Variants in SCYGR2 observed in about 807,000 individuals in gnomAD.
The protein encoded by SCYGR2 is small cysteine and glycine repeat-containing protein 2.
At chr2:227,598,974 G>A (rs1056379784) in exon 1 of SCYGR2, 5 of 272,022 alleles carry the variant, frequency 1.8e-5, no homozygotes. Context: ...TGGTGGCTGT[G>A]GTGGTGGCTG....
At chr2:227,598,970 C>A in exon 1 of SCYGR2, 1 of 294,902 alleles carries the variant, frequency 3.4e-6, no homozygotes. Flanking sequence ...GTGGTGGTGG[C>A]TGTGGTGGTG....
chr2:227,599,007 TGTG>T (rs1352042457), exon 1 of SCYGR2: 3 of 415,690 alleles, frequency 7.2e-6, no homozygotes, highest in African/African-American at 4.2e-5. Flanking sequence ...TGGTGGTGGC[TGTG>T]GTGGTGGCTG....
exon 1 of SCYGR2, chr2:227,598,932 GGCCGCT>G: frequency 2.6e-6 from 1 of 379,770 alleles, no homozygotes; most frequent in South Asian, 9.7e-5. Flanking sequence ...TGGCTGCGGT[GGCCGCT>G]GTGGTGGCTG....
chr2:227,599,026 G>GTGGCTGCGGTGA, exon 1 of SCYGR2: 1 of 371,414 alleles, frequency 2.7e-6, no homozygotes, highest in African/African-American at 2.1e-5. Flanking sequence ...GGCTGCGGTG[G>GTGGCTGCGGTGA]TGGCTGCGGT....
exon 1 of SCYGR2, chr2:227,598,966 G>GTGGCTGTGGTGGTGGCTGCGGTGC: frequency 4.0e-6 from 1 of 251,414 alleles, no homozygotes; most frequent in Non-Finnish European, 6.9e-6. Flanking sequence ...GGCTGTGGTG[G>GTGGCTGTGGTGGTGGCTGCGGTGC]TGGCTGTGGT....
exon 1 of SCYGR2, chr2:227,598,985 C>CTGTGGTGGTGGCTGTGGTGGTGGCTGT (rs1693637238): frequency 2.8e-6 from 1 of 363,168 alleles, no homozygotes. Flanking sequence ...GTGGTGGCTG[C>CTGTGGTGGTGGCTGTGGTGGTGGCTGT]GGTGGTGGCT....
chr2:227,599,010 G>GGTGGCCGCT (rs1693638721), exon 1 of SCYGR2: 2 of 409,670 alleles, frequency 4.9e-6, no homozygotes, highest in Non-Finnish European at 8.4e-6. Context: ...TGGTGGCTGT[G>GGTGGCCGCT]GTGGTGGCTG....
At position 227,599,180 on chromosome 2, in the gene SCYGR2, C is replaced by T. The variant is rs1387609853; in HGVS notation, c.288C>T (p.Cys96=). The T allele has an allele frequency of 1.0e-5, 4 of 399,106 alleles. No homozygotes were observed. In the East Asian group the frequency reaches 1.4e-4, roughly 14 times the overall value. The allele number at this position is 399,106 out of a possible 1,614,324, so 24.7% of individuals were successfully genotyped here. ...TGATCTGTTGCTGCCGCCGCACCTG[C>T]CACTCATGTGGCTGTGGCTGTGGGA... Residue 96 remains cysteine (C), a synonymous_variant, in exon 1 of 1, where the codon TGC becomes TGT. Coordinates refer to ENST00000641394, the Ensembl canonical transcript of SCYGR2.
exon 1 of SCYGR2, chr2:227,599,095 G>A: frequency 7.4e-6 from 3 of 402,964 alleles, no homozygotes; most frequent in Non-Finnish European, 1.3e-5. Context: ...CGGGTGGGCT[G>A]CTGCTCCAGC....
At chr2:227,598,939 G>A (rs1157296570) in exon 1 of SCYGR2, 8 of 258,692 alleles carry the variant, frequency 3.1e-5, no homozygotes, top group Non-Finnish European at 4.8e-5. Flanking sequence ...GGTGGCCGCT[G>A]TGGTGGCTGC....
exon 1 of SCYGR2, chr2:227,599,182 A>G (rs78790947): frequency 0.091 from 36,363 of 398,580 alleles, 2,032 homozygotes; most frequent in Admixed American, 0.11. Flanking sequence ...CGCACCTGCC[A>G]CTCATGTGGC....
chr2:227,598,946 CTG>C lies in SCYGR2; in HGVS notation c.55_56del (p.Cys19ArgfsTer35). 3 of 288,448 alleles carry C rather than the reference CTG, an allele frequency of 1.0e-5. No homozygotes were observed. Among genetic ancestry groups the C allele is most frequent in the Non-Finnish European group, 1.9e-5 (3 of 161,930 alleles). The allele number at this position is 288,448 out of a possible 1,614,324, so 17.9% of individuals were successfully genotyped here. On this transcript the variant is annotated frameshift_variant, in exon 1 of 1. Coordinates refer to ENST00000641394, the Ensembl canonical transcript of SCYGR2. LOFTEE classifies it low-confidence loss of function (END_TRUNC). ...GTGGCTGCGGTGGCCGCTGTGGTGG[CTG>C]CGGTGGTGGCTGTGGTGGTGGCTGT...
At chr2:227,599,022 G>C in exon 1 of SCYGR2, 1 of 371,224 alleles carries the variant, frequency 2.7e-6, no homozygotes, top group Non-Finnish European at 4.7e-6. Context: ...TGGTGGCTGC[G>C]GTGGTGGCTG....
chr2:227,599,104 GCTGCTGCCC>G (rs1228008751), exon 1 of SCYGR2: 1 of 402,852 alleles, frequency 2.5e-6, no homozygotes, highest in Non-Finnish European at 4.4e-6. Context: ...TGCTGCTCCA[GCTGCTGCCC>G]CTGCTGCCGT....
exon 1 of SCYGR2, chr2:227,599,009 T>TGGTGGCTGCGGTGGTGGCTGC (rs1693638559): frequency 3.1e-5 from 12 of 382,534 alleles, no homozygotes; most frequent in African/African-American, 1.8e-4. Flanking sequence ...GTGGTGGCTG[T>TGGTGGCTGCGGTGGTGGCTGC]GGTGGTGGCT....
At chr2:227,598,938 T>TGTGGTGGCTGCG (rs1415157962) in exon 1 of SCYGR2, 15 of 368,256 alleles carry the variant, frequency 4.1e-5, no homozygotes, top group African/African-American at 7.9e-5. Context: ...CGGTGGCCGC[T>TGTGGTGGCTGCG]GTGGTGGCTG....
At chr2:227,599,065 G>A (rs930018336) in exon 1 of SCYGR2, 66 of 407,850 alleles carry the variant, frequency 1.6e-4, no homozygotes, top group African/African-American at 1.2e-3. Context: ...TGTGGCAGCT[G>A]CACCACCTGC....
exon 1 of SCYGR2, chr2:227,598,915 G>T (rs1693634816): frequency 2.4e-6 from 1 of 422,626 alleles, no homozygotes; most frequent in Non-Finnish European, 4.1e-6. Context: ...GGTTGTGGAG[G>T]TTGTGGTGGC....
chr2:227,599,114 C>T (rs1410976770), exon 1 of SCYGR2: 1 of 402,308 alleles, frequency 2.5e-6, no homozygotes, highest in Non-Finnish European at 4.4e-6. Context: ...GCTGCTGCCC[C>T]TGCTGCCGTG....
Sources: allele counts gnomAD v4.1 joint callset, GRCh38; gene constraint gnomAD v4.1.1; transcripts MANE v1.5; gene names NCBI Gene and HGNC (gene_info 2026-07-23, HGNC 2026-07-21).